CAMK2A: variants seen among roughly 807,000 people sequenced by gnomAD.
CAMK2A encodes calcium/calmodulin dependent protein kinase II alpha.
Under a neutral mutation model 79.2 loss-of-function variants are expected in CAMK2A, and 7 were observed. The ratio of observed to expected loss-of-function variants is 0.09; its 90% CI spans 0.05 to 0.17. The LOEUF (loss-of-function observed/expected upper bound fraction) is 0.17, where lower values mean the gene tolerates loss of function less well. CAMK2A is among the 10% of genes least tolerant of loss of function. The pLI, the probability that CAMK2A is intolerant of heterozygous loss-of-function variation, is 1.00. For missense variants in CAMK2A, 214 were observed against 646.4 expected (o/e 0.33, Z 7.25); for synonymous variants, 242 against 251.7 (o/e 0.96, Z 0.36).
At chr5:150,275,960 C>T (rs1371100002) in intron 1 of CAMK2A, among the ~76,000 whole-genome samples, 1 of 152,182 alleles carries the variant, frequency 6.6e-6, no homozygotes, top group Non-Finnish European at 1.5e-5. Context: ...AAGTTCCAAG[C>T]TTCTGGCCAC....
chr5:150,238,883 A>C (rs1580907866), intron 14 of CAMK2A, 135 bp from the exon 15 acceptor site: 2 of 711,356 alleles, frequency 2.8e-6, no homozygotes. Context: ...TGTCCTGAAA[A>C]CCCTGTCAGA....
intron 15 of CAMK2A, among the ~76,000 whole-genome samples, chr5:150,235,886 A>AC (rs1755034955): frequency 6.6e-6 from 1 of 152,158 alleles, no homozygotes; most frequent in African/African-American, 2.4e-5. Context: ...TGGGGGAGGC[A>AC]CAAGGACTCC....
chr5:150,241,641 CCTT>C (rs138366271), intron 13 of CAMK2A, among the ~76,000 whole-genome samples: 4,111 of 147,576 alleles, frequency 0.028, 241 homozygotes, highest in African/African-American at 0.097. Context: ...CCCCTCTCCT[CCTT>C]CTTTTCTTCC....
Position 150,257,555 on chromosome 5 carries a change from A to C in CAMK2A, c.272+8T>G. 1 of 1,564,548 alleles carries C rather than the reference A, an allele frequency of 6.4e-7. No individual in the cohort carries two copies. The highest frequency in any genetic ancestry group is 8.7e-7 in the Non-Finnish European group (1 of 1,154,404). On this transcript the variant is annotated splice_region_variant and intron_variant, in intron 4 of 18. Transcript: ENST00000671881. Reference sequence around the variant, plus strand: ...CGTTGGCGCATCCCAGGGCGGGGCCAAACTCACAGGTCGAAGATCAGGTAG... The same window carrying C: ...CGTTGGCGCATCCCAGGGCGGGGCCCAACTCACAGGTCGAAGATCAGGTAG...
At chr5:150,270,538 A>G (rs1756704561) in intron 2 of CAMK2A, among the ~76,000 whole-genome samples, 2 of 152,202 alleles carry the variant, frequency 1.3e-5, no homozygotes, top group South Asian at 4.1e-4. Context: ...GTCACCCAGG[A>G]GCACCAGCAG....
intron 6 of CAMK2A, among the ~76,000 whole-genome samples, chr5:150,255,060 T>G (rs1381808178): frequency 2.6e-5 from 4 of 152,174 alleles, no homozygotes; most frequent in African/African-American, 9.7e-5. Context: ...CTTTGTCCTC[T>G]GGGGACAATG....
rs1754435783 is a variant in CAMK2A, at chr5:150,223,329, T to A, written c.1238-112A>T. The A allele has an allele frequency of 1.7e-5, 14 of 822,124 alleles. No homozygotes were observed. The allele number at this position is 822,124 out of a possible 1,614,324, so 50.9% of individuals were successfully genotyped here. On this transcript the variant is annotated intron_variant, in intron 17 of 18. Transcript: ENST00000671881. This position sits in a 1 kb window ranked among gnomAD's most constrained non-coding sequence, Gnocchi z 4.1. ...TCTCAATGGAGGCGCCCTGCCTGAC[T>A]CATTTGCAGGGAAGGGGCCTGTGTG... is the stretch of plus-strand genomic sequence containing the variant.
intron 1 of CAMK2A, among the ~76,000 whole-genome samples, chr5:150,286,888 C>CT (rs1757446007): frequency 6.6e-6 from 1 of 152,264 alleles, no homozygotes; most frequent in Non-Finnish European, 1.5e-5. Context: ...GCAATCGGCC[C>CT]TGGGGGCCTG....
chr5:150,243,483 C>T (rs1212786469), intron 13 of CAMK2A, among the ~76,000 whole-genome samples: 1 of 152,118 alleles, frequency 6.6e-6, no homozygotes, highest in East Asian at 1.9e-4. Flanking sequence ...CAGGGTTAAC[C>T]CAAAACAGCA....
chr5:150,250,870 C>T lies in CAMK2A; in HGVS notation c.694-60G>A, dbSNP rs898702620. 1.6e-5 allele frequency: 26 copies of T among 1,590,102 alleles called. No individual in the cohort carries two copies. In the East Asian group the frequency reaches 5.6e-4, roughly 34 times the overall value. Reference sequence around the variant, plus strand: ...TGCCCCAGGCCACCCCTGCGATCCCCCAGCCCCTGACTGGCAGGGGAGCAG... The same window carrying T: ...TGCCCCAGGCCACCCCTGCGATCCCTCAGCCCCTGACTGGCAGGGGAGCAG... On this transcript the variant is annotated intron_variant, in intron 9 of 18. Transcript: ENST00000671881.
chr5:150,255,861 T>C (rs1403344522), intron 6 of CAMK2A, among the ~76,000 whole-genome samples: 1 of 152,146 alleles, frequency 6.6e-6, no homozygotes, highest in East Asian at 1.9e-4. Flanking sequence ...CTTGGGCAAA[T>C]TGCTTGAACT....
chr5:150,248,142 T>C (rs1323752418), intron 11 of CAMK2A, among the ~76,000 whole-genome samples: 1 of 152,122 alleles, frequency 6.6e-6, no homozygotes, highest in Non-Finnish European at 1.5e-5. Flanking sequence ...CTCCTGAAGA[T>C]GATGGACTTT....
rs765780167 is a variant in CAMK2A, at chr5:150,222,641, C to T, written c.*69G>A. 4.4e-6 allele frequency: 7 copies of T among 1,577,190 alleles called. No individual in the cohort carries two copies. The South Asian group carries it at 7.8e-5, about 17-fold the overall frequency. ...TCCAGCAAAATCCACCTGGGAGAAC[C>T]AGCAGCTCCACTCCACGGACAGAGT... On this transcript the variant is annotated 3_prime_UTR_variant, in exon 19 of 19. Transcript: ENST00000671881.
chr5:150,273,584 C>G (rs1257575974), intron 1 of CAMK2A, among the ~76,000 whole-genome samples: 1 of 152,198 alleles, frequency 6.6e-6, no homozygotes, highest in South Asian at 2.1e-4. Flanking sequence ...GTACTGCAGC[C>G]CCTGAGGTCC....
chr5:150,225,385 G>T (rs1243194309), intron 17 of CAMK2A, among the ~76,000 whole-genome samples: 1 of 152,208 alleles, frequency 6.6e-6, no homozygotes, highest in African/African-American at 2.4e-5. Flanking sequence ...GTGGAACTTG[G>T]CCGGGAATGA....
chr5:150,287,762 C>A (rs985113966), intron 1 of CAMK2A, among the ~76,000 whole-genome samples: 1 of 152,096 alleles, frequency 6.6e-6, no homozygotes, highest in Admixed American at 6.5e-5. Context: ...GGGGTCCCTG[C>A]ACAAGTTTGT....
In CAMK2A at chr5:150,256,181, G is replaced by C. The variant is rs1288526548; in HGVS notation, c.411+392C>G. 6.6e-6 allele frequency among the ~76,000 whole-genome samples: 1 copy of C among 152,166 alleles called. No homozygotes were observed. The highest frequency in any genetic ancestry group is 1.5e-5 in the Non-Finnish European group (1 of 68,036). On this transcript the variant is annotated intron_variant, in intron 6 of 18. Coordinates refer to ENST00000671881, the MANE Select transcript of CAMK2A (RefSeq NM_015981.4). The surrounding 1 kb of genome is among the most constrained non-coding windows in gnomAD (Gnocchi z 4.6). ...CCAACCCTTTGCAGAGGTTGCTATGGCAACCCCCATTGTGAAGAATCTGAG... is the reference window on the plus strand; with the variant it reads ...CCAACCCTTTGCAGAGGTTGCTATGCCAACCCCCATTGTGAAGAATCTGAG...
At chr5:150,250,864 G>T in intron 9 of CAMK2A, 54 bp from the exon 10 acceptor site, 1 of 1,596,922 alleles carries the variant, frequency 6.3e-7, no homozygotes, top group Non-Finnish European at 8.6e-7. Flanking sequence ...CCACCCCTGC[G>T]ATCCCCCAGC....
Position 150,256,548 on chromosome 5 carries a change from G to C in CAMK2A, c.411+25C>G, listed in dbSNP as rs758009080. On this transcript the variant is annotated intron_variant, in intron 6 of 18. Transcript: ENST00000671881. This position sits in a 1 kb window ranked among gnomAD's most constrained non-coding sequence, Gnocchi z 4.6. The stretch of plus-strand genomic sequence containing the variant: ...GAGGAGAGAGGGGCTCCCGGGGTGA[G>C]CCACACCCACGGTGGGTTGCTCACC... 6.3e-6 allele frequency: 10 copies of C among 1,591,184 alleles called. No individual in the cohort carries two copies. The highest frequency in any genetic ancestry group is 7.8e-6 in the Non-Finnish European group (9 of 1,160,898).
Sources: allele counts gnomAD v4.1 joint callset (sites outside exome capture counted in the v4.1 genomes callset), GRCh38; gene constraint gnomAD v4.1.1; non-coding constraint Gnocchi (gnomAD v3.1); transcripts MANE v1.5; gene names NCBI Gene and HGNC (gene_info 2026-07-23, HGNC 2026-07-21).